ELOVL6: variants seen among roughly 807,000 people sequenced by gnomAD.
The protein encoded by ELOVL6 is very long chain fatty acid elongase 6.
A neutral mutation model predicts 31.7 loss-of-function variants in ELOVL6; 8 were observed. The ratio of observed to expected loss-of-function variants is 0.25; its 90% CI spans 0.15 to 0.45. ELOVL6 has a LOEUF of 0.45. ELOVL6 is among the 20% of genes least tolerant of loss of function. The pLI is 1.00. For synonymous variants in ELOVL6, 101 were observed against 117.7 expected (o/e 0.86, Z 0.92); for missense variants, 126 against 326.4 (o/e 0.39, Z 4.73).
intron 1 of ELOVL6, among the ~76,000 whole-genome samples, chr4:110,110,994 A>T (rs1009504026): frequency 2.6e-5 from 4 of 152,144 alleles, no homozygotes; most frequent in African/African-American, 7.2e-5. Flanking sequence ...CTATTTTTTT[A>T]AAAAAGGTGT....
At chr4:110,161,040 T>C (rs1289943858) in intron 1 of ELOVL6, among the ~76,000 whole-genome samples, 2 of 152,222 alleles carry the variant, frequency 1.3e-5, no homozygotes, top group South Asian at 2.1e-4. Flanking sequence ...CTATTCCCTC[T>C]TGTAATGGTG....
In ELOVL6 at chr4:110,084,584, ATATATTTTTTTT is replaced by A. The variant is rs1303757798; in HGVS notation, c.221+20901_221+20912del. Among the ~76,000 whole-genome samples the A allele has an allele frequency of 1.6e-3, 87 of 54,852 alleles. 1 individual carries two copies. Among genetic ancestry groups the A allele is most frequent in the African/African-American group, 0.01 (72 of 7,128 alleles). 36.0% of individuals were successfully genotyped at this position (54,852 alleles called of 152,430 possible). A position where few individuals can be genotyped will look rare whatever the true frequency, so the allele number is the denominator to read the frequency against. On this transcript the variant is annotated intron_variant, in intron 2 of 3. Coordinates refer to ENST00000302274, the MANE Select transcript of ELOVL6 (RefSeq NM_024090.3). ...CACAGATATATATATATATATATAT[ATATATTTTTTTT>A]TTTTTTTTTTTTTTTTGAGATGGAG...
In ELOVL6 at chr4:110,084,247, T is replaced by C. The variant is rs1383345027; in HGVS notation, c.221+21250A>G. On this transcript the variant is annotated intron_variant, in intron 2 of 3. Transcript: ENST00000302274. ...TATGATATATATAACATATATGATA[T>C]ATATAACATATAGCTTATATGTGAT... Among the ~76,000 whole-genome samples, 4 of 135,992 alleles carry C rather than the reference T, an allele frequency of 2.9e-5. 1 individual carries two copies. Among genetic ancestry groups the C allele is most frequent in the African/African-American group, 5.4e-5 (2 of 37,032 alleles). 89.2% of individuals were successfully genotyped at this position (135,992 alleles called of 152,430 possible).
At chr4:110,160,837 CAG>C (rs1286367354) in intron 1 of ELOVL6, among the ~76,000 whole-genome samples, 2 of 152,182 alleles carry the variant, frequency 1.3e-5, no homozygotes, top group African/African-American at 4.8e-5. Context: ...AACAGCTAAA[CAG>C]AGAGAAGGAA....
chr4:110,067,497 G>A lies in ELOVL6; in HGVS notation c.222-7743C>T, dbSNP rs560318681. ...TGACTTGCAGTTCCACAGGGCTGGGGAAGCCTCAGGAGACTTACAATCACG... is the reference window on the plus strand; with the variant it reads ...TGACTTGCAGTTCCACAGGGCTGGGAAAGCCTCAGGAGACTTACAATCACG... On this transcript the variant is annotated intron_variant, in intron 2 of 3. Transcript: ENST00000302274. 2.0e-5 allele frequency among the ~76,000 whole-genome samples: 3 copies of A among 152,302 alleles called. No homozygotes were observed. The South Asian group carries it at 6.2e-4, about 32-fold the overall frequency.
intron 1 of ELOVL6, among the ~76,000 whole-genome samples, chr4:110,149,700 T>C (rs1292481538): frequency 6.6e-6 from 1 of 152,202 alleles, no homozygotes; most frequent in East Asian, 1.9e-4. Context: ...AAGGCCTGAC[T>C]TCACCACAAT....
chr4:110,177,878 T>G (rs953799557), intron 1 of ELOVL6, among the ~76,000 whole-genome samples: 2 of 152,234 alleles, frequency 1.3e-5, no homozygotes, highest in African/African-American at 4.8e-5. Flanking sequence ...ACCAAACTGA[T>G]GAGTATTACC....
chr4:110,131,740 C>T (rs904260500), intron 1 of ELOVL6, among the ~76,000 whole-genome samples: 2 of 152,124 alleles, frequency 1.3e-5, no homozygotes, highest in African/African-American at 4.8e-5. Flanking sequence ...CCAGGAGGAC[C>T]TGGGGACCTC....
chr4:110,097,790 C>T (rs1017777799), intron 2 of ELOVL6, among the ~76,000 whole-genome samples: 7 of 123,696 alleles, frequency 5.7e-5, no homozygotes, highest in Non-Finnish European at 9.8e-5. Flanking sequence ...TTATACTCTG[C>T]CTTCAGAAAA....
chr4:110,100,765 C>T (rs374866025), intron 2 of ELOVL6, among the ~76,000 whole-genome samples: 1 of 152,136 alleles, frequency 6.6e-6, no homozygotes, highest in African/African-American at 2.4e-5. Flanking sequence ...AAATTGATTA[C>T]GCTATGGTGG....
At chr4:110,059,852 T>C in intron 2 of ELOVL6, 98 bp from the exon 3 acceptor site, 3 of 995,744 alleles carry the variant, frequency 3.0e-6, no homozygotes, top group Non-Finnish European at 4.5e-6. Flanking sequence ...TGGCAGGAAA[T>C]AGGCATAAGA....
intron 1 of ELOVL6, among the ~76,000 whole-genome samples, chr4:110,118,864 T>G (rs932586071): frequency 6.6e-6 from 1 of 152,156 alleles, no homozygotes; most frequent in Admixed American, 6.5e-5. Flanking sequence ...CTCAGGAGTT[T>G]GAGACCAGCC....
At chr4:110,172,737 C>T (rs1758990935) in intron 1 of ELOVL6, among the ~76,000 whole-genome samples, 3 of 152,132 alleles carry the variant, frequency 2.0e-5, no homozygotes, top group Admixed American at 2.0e-4. Flanking sequence ...CTGCATTAGC[C>T]CAAAGTACTT....
At chr4:110,189,859 C>T (rs1301762036) in intron 1 of ELOVL6, among the ~76,000 whole-genome samples, 1 of 150,888 alleles carries the variant, frequency 6.6e-6, no homozygotes, top group South Asian at 2.1e-4. Context: ...CCCAGCTACT[C>T]GGGAGGCTGA....
At chr4:110,124,246 T>G (rs1461790238) in intron 1 of ELOVL6, among the ~76,000 whole-genome samples, 8 of 152,238 alleles carry the variant, frequency 5.3e-5, no homozygotes, top group Admixed American at 5.2e-4. Context: ...GAATGTTTGC[T>G]TATTGCATAC....
intron 2 of ELOVL6, 112 bp downstream of exon 2, chr4:110,105,385 A>C (rs1756859022): frequency 8.8e-7 from 1 of 1,135,864 alleles, no homozygotes; most frequent in Non-Finnish European, 1.3e-6. Flanking sequence ...TTATGTCCTC[A>C]TCATATTCAA....
intron 1 of ELOVL6, among the ~76,000 whole-genome samples, chr4:110,133,886 A>G (rs1176693453): frequency 6.6e-6 from 1 of 152,240 alleles, no homozygotes; most frequent in Non-Finnish European, 1.5e-5. Flanking sequence ...TAACATCTAA[A>G]CATCCAAAAT....
chr4:110,175,342 A>C (rs968852683), intron 1 of ELOVL6, among the ~76,000 whole-genome samples: 1 of 152,144 alleles, frequency 6.6e-6, no homozygotes, highest in African/African-American at 2.4e-5. Context: ...ACATTGCGCT[A>C]CTGCACTCCA....
intron 3 of ELOVL6, among the ~76,000 whole-genome samples, chr4:110,058,731 A>C (rs1427418331): frequency 6.6e-6 from 1 of 152,192 alleles, no homozygotes; most frequent in Non-Finnish European, 1.5e-5. Flanking sequence ...CAAAAATTGC[A>C]ATTGATATCT....
Sources: allele counts gnomAD v4.1 joint callset (sites outside exome capture counted in the v4.1 genomes callset), GRCh38; gene constraint gnomAD v4.1.1; transcripts MANE v1.5; gene names NCBI Gene and HGNC (gene_info 2026-07-23, HGNC 2026-07-21).